Variants in ZNF728 observed in about 807,000 individuals in gnomAD.
ZNF728 encodes zinc finger protein 728.
In ZNF728, 12 loss-of-function variants were observed where a neutral mutation model predicts 12.5. That is an observed-to-expected ratio of 0.96 (90% CI 0.61 to 1.55). The LOEUF is 1.55. ZNF728 is among the 40% of genes most tolerant of loss of function. The probability of loss-of-function intolerance (pLI) is 0.00; values close to 1 mark genes in which losing one functional copy is unlikely to be tolerated. For missense variants in ZNF728, 692 were observed against 719.2 expected (o/e 0.96, Z 0.43); for synonymous variants, 205 against 240.7 (o/e 0.85, Z 1.37).
At position 22,976,743 on chromosome 19, in the gene ZNF728, C is replaced by A. The variant is rs1219328585; in HGVS notation, c.594G>T (p.Glu198Asp). ...LSQHKRIYTR[E>D]NSYKSEEHGK... ...CATGTTCTTCACTTTTGTAGGAATT[C>A]TCTCTAGTATAAATTCTTTTATGTT... The change falls in exon 4 of 4, where the codon GAG becomes GAT. Residue 198 changes from glutamate to aspartate, a missense_variant. By Grantham distance (45) the Glu-to-Asp change is conservative (BLOSUM62 2). Around this residue, in one of 3 missense-constraint regions of ZNF728, gnomAD observed 440 missense variants for 459.6 expected, o/e 0.96. Coordinates refer to ENST00000594710, the MANE Select transcript of ZNF728 (RefSeq NM_001267716.2). 1 of 1,613,426 alleles carries A rather than the reference C, an allele frequency of 6.2e-7. No homozygotes were observed. Among genetic ancestry groups the A allele is most frequent in the South Asian group, 1.1e-5 (1 of 91,074 alleles).
chr19:22,986,657 T>C (rs990583731), intron 3 of ZNF728, among the ~76,000 whole-genome samples: 20 of 152,246 alleles, frequency 1.3e-4, no homozygotes, highest in African/African-American at 4.8e-4. Flanking sequence ...TAAAATGCCA[T>C]ATTATCCAAA....
At chr19:22,988,842 G>A (rs1051310038) in intron 1 of ZNF728, among the ~76,000 whole-genome samples, 3 of 151,988 alleles carry the variant, frequency 2.0e-5, no homozygotes, top group Non-Finnish European at 2.9e-5. Context: ...ACCTGAGGTC[G>A]GGAGTTTTAG....
Position 22,976,430 on chromosome 19 carries a change from T to C in ZNF728, c.907A>G (p.Lys303Glu). 6.2e-7 allele frequency: 1 copy of C among 1,613,296 alleles called. No homozygotes were observed. The highest frequency in any genetic ancestry group is 2.2e-5 in the East Asian group (1 of 44,872). ...GGTTTCTCTCCAGCATGAATTGTCT[T>C]ATGTGCAGTAAGGGTTGAGGCCTTA... ...FSKASTLTAHKTIHAGEKPYK... is the reference protein window; with the variant it reads ...FSKASTLTAHETIHAGEKPYK... Residue 303 changes from lysine (K) to glutamate (E), a missense_variant, in exon 4 of 4, where the codon AAG (lysine) becomes GAG (glutamate). This residue lies in a region of ZNF728 where 440 missense variants were observed against 459.6 expected (regional missense o/e 0.96). Coordinates refer to ENST00000594710, the MANE Select transcript of ZNF728 (RefSeq NM_001267716.2).
At chr19:23,002,467 C>T (rs117829649) in intron 1 of ZNF728, among the ~76,000 whole-genome samples, 5,374 of 152,250 alleles carry the variant, frequency 0.035, 143 homozygotes, top group Middle Eastern at 0.11. Flanking sequence ...GTAACTGTAC[C>T]TAACCAATTA....
Position 23,003,107 on chromosome 19 carries a change from G to A in ZNF728, c.-77C>T, listed in dbSNP as rs562228189. Reference sequence around the variant, plus strand: ...GCAGGTCACAGGGCCATAGAAGCTGGGCCTTTAGGAGCGGACGACACACAG... The same window carrying A: ...GCAGGTCACAGGGCCATAGAAGCTGAGCCTTTAGGAGCGGACGACACACAG... On this transcript the variant is annotated 5_prime_UTR_variant, in exon 1 of 4. Transcript: ENST00000594710. The A allele has an allele frequency of 2.7e-6, 4 of 1,506,730 alleles. No homozygotes were observed. In the African/African-American group the frequency reaches 4.3e-5, roughly 16 times the overall value. The allele number at this position is 1,506,730 out of a possible 1,614,324, so 93.3% of individuals were successfully genotyped here.
At chr19:22,986,214 A>C (rs1320217743) in intron 3 of ZNF728, among the ~76,000 whole-genome samples, 3 of 152,182 alleles carry the variant, frequency 2.0e-5, no homozygotes, top group Non-Finnish European at 4.4e-5. Flanking sequence ...CACCAATGGA[A>C]AAGTATATTG....
At position 22,976,566 on chromosome 19, in the gene ZNF728, T is replaced by C. The variant is rs1253594948; in HGVS notation, c.771A>G (p.Lys257=). Residue 257 remains lysine, a synonymous_variant, in exon 4 of 4, where the codon AAA becomes AAG. Coordinates refer to ENST00000594710, the MANE Select transcript of ZNF728 (RefSeq NM_001267716.2). Reference sequence around the variant, plus strand: ...TGAAGGCTTTGCCACATTCTTCACATTTGTAATGTTTCTCTCCAGTATGAA... The same window carrying C: ...TGAAGGCTTTGCCACATTCTTCACACTTGTAATGTTTCTCTCCAGTATGAA... ...KVIHTGEKHY[K]CEECGKAFTR... 3 of 1,611,398 alleles carry C rather than the reference T, an allele frequency of 1.9e-6. No homozygotes were observed. The Admixed American group carries it at 5.0e-5, about 27-fold the overall frequency.
intron 1 of ZNF728, among the ~76,000 whole-genome samples, chr19:22,997,491 C>G (rs1969061279): frequency 6.6e-6 from 1 of 152,044 alleles, no homozygotes; most frequent in African/African-American, 2.4e-5. Context: ...ATACCAGAAT[C>G]CCTGCAATAC....
At chr19:22,998,032 A>AGTGT (rs1969067382) in intron 1 of ZNF728, among the ~76,000 whole-genome samples, 1 of 152,220 alleles carries the variant, frequency 6.6e-6, no homozygotes, top group Admixed American at 6.5e-5. Context: ...TGTGAAAAGC[A>AGTGT]GTGTGTTGAT....
chr19:22,976,240 T>C lies in ZNF728; in HGVS notation c.1097A>G (p.Lys366Arg), dbSNP rs1968796643. ...GCCACATTCTTCACATTTGTAGGGT[T>C]TCTCTCCAGTATGAATTACCTTATG... ...TKHKVIHTGEKPYKCEECGKA... is the reference protein window; with the variant it reads ...TKHKVIHTGERPYKCEECGKA... The change falls in exon 4 of 4, where the codon AAA becomes AGA. Residue 366 changes from lysine to arginine, a missense_variant. Physicochemically the swap from Lys to Arg is conservative, Grantham distance 26. Around this residue, in one of 3 missense-constraint regions of ZNF728, gnomAD observed 440 missense variants for 459.6 expected, o/e 0.96. Coordinates refer to ENST00000594710, the MANE Select transcript of ZNF728 (RefSeq NM_001267716.2). 1 of 1,613,296 alleles carries C rather than the reference T, an allele frequency of 6.2e-7. No homozygotes were observed.
intron 1 of ZNF728, 87 bp downstream of exon 1, chr19:23,002,940 AG>A: frequency 6.6e-7 from 1 of 1,524,322 alleles, no homozygotes; most frequent in Non-Finnish European, 9.0e-7. Flanking sequence ...GCTGACTGAG[AG>A]GAGGCCTGAG....
In ZNF728 at chr19:23,003,133, C is replaced by A. The variant is rs529499967; in HGVS notation, c.-103G>T. 2 of 1,380,520 alleles carry A rather than the reference C, an allele frequency of 1.4e-6. No individual in the cohort carries two copies. The highest frequency in any genetic ancestry group is 2.3e-5 in the Admixed American group (1 of 43,908). 85.5% of individuals were successfully genotyped at this position (1,380,520 alleles called of 1,614,324 possible). On this transcript the variant is annotated 5_prime_UTR_variant, in exon 1 of 4. Transcript: ENST00000594710. The stretch of plus-strand genomic sequence containing the variant: ...GCCTTTAGGAGCGGACGACACACAG[C>A]AGTAAGGACGACACCTTGACCTCCG...
At chr19:22,980,325 A>G (rs966490316) in intron 3 of ZNF728, among the ~76,000 whole-genome samples, 2 of 152,178 alleles carry the variant, frequency 1.3e-5, no homozygotes, top group African/African-American at 2.4e-5. Context: ...CAACAAGAAG[A>G]GCTAACTATC....
chr19:22,996,074 C>T (rs553335138), intron 1 of ZNF728, among the ~76,000 whole-genome samples: 159 of 152,002 alleles, frequency 1.0e-3, no homozygotes, highest in Non-Finnish European at 1.8e-3. Flanking sequence ...TCTACTGCAA[C>T]GATTTAATGG....
At chr19:22,982,230 TAGAG>T (rs758051340) in intron 3 of ZNF728, among the ~76,000 whole-genome samples, 4 of 150,314 alleles carry the variant, frequency 2.7e-5, no homozygotes, top group Admixed American at 2.0e-4. Flanking sequence ...ACACCAATAA[TAGAG>T]AGCCAAATCA....
intron 1 of ZNF728, among the ~76,000 whole-genome samples, chr19:23,002,800 C>T (rs1969126424): frequency 6.6e-6 from 1 of 152,212 alleles, no homozygotes; most frequent in Non-Finnish European, 1.5e-5. Context: ...GGGCTCCAGG[C>T]CAGGGCACAA....
At chr19:23,002,982 ACCAGCGGCTG>A in intron 1 of ZNF728, 36 bp downstream of exon 1, 1 of 1,585,496 alleles carries the variant, frequency 6.3e-7, no homozygotes, top group Non-Finnish European at 8.6e-7. Context: ...ACCGGTTCCA[ACCAGCGGCTG>A]CCACTCTCTC....
At chr19:22,987,100 A>G (rs2145341868) in intron 3 of ZNF728, among the ~76,000 whole-genome samples, 1 of 152,332 alleles carries the variant, frequency 6.6e-6, no homozygotes, top group Non-Finnish European at 1.5e-5. Flanking sequence ...AAGGAAGATT[A>G]CTGAAGGGAA....
At chr19:22,993,285 C>A (rs1366373035) in intron 1 of ZNF728, among the ~76,000 whole-genome samples, 3 of 152,198 alleles carry the variant, frequency 2.0e-5, no homozygotes, top group Non-Finnish European at 2.9e-5. Flanking sequence ...TCTGTAAATT[C>A]TCAATCCAAA....
Sources: gnomAD v4.1 joint callset for allele counts (sites outside exome capture counted in the v4.1 genomes callset) on GRCh38, gnomAD v4.1.1 for gene constraint, gnomAD v4.1.1 regional missense constraint, MANE v1.5 for transcripts, NCBI Gene and HGNC (gene_info 2026-07-23, HGNC 2026-07-21) for gene names.